The following MYOM2 variants were observed in gnomAD, a reference collection of about 807,000 sequenced individuals.
MYOM2 encodes myomesin 2.
MYOM2 carries 254 observed loss-of-function variants against 187.6 expected under a neutral mutation model. The observed-to-expected ratio is 1.35, with a 90% CI of 1.22 to 1.50. The LOEUF is 1.50. Ranked by LOEUF, MYOM2 falls within the 40% of genes most tolerant of loss-of-function variation. The pLI is 0.00. For synonymous variants in MYOM2, 981 were observed against 753.8 expected (o/e 1.30, Z -4.94); for missense variants, 2,796 against 1,924.0 (o/e 1.45, Z -8.48).
At chr8:2,138,841 C>T (rs979390532) in intron 32 of MYOM2, among the ~76,000 whole-genome samples, 4 of 152,170 alleles carry the variant, frequency 2.6e-5, no homozygotes, top group Non-Finnish European at 5.9e-5. Context: ...GAAGCCAATC[C>T]CACAAAACCA....
intron 2 of MYOM2, among the ~76,000 whole-genome samples, chr8:2,051,847 T>C (rs1353863734): frequency 2.6e-5 from 4 of 152,118 alleles, no homozygotes; most frequent in African/African-American, 4.8e-5. Flanking sequence ...TGTGTAGGTT[T>C]GTTTATGTGT....
At chr8:2,113,127 C>G (rs867857421) in intron 25 of MYOM2, among the ~76,000 whole-genome samples, 2 of 152,182 alleles carry the variant, frequency 1.3e-5, no homozygotes, top group East Asian at 1.9e-4. Flanking sequence ...ACGCTGGGCA[C>G]GAGGAAGCCG....
At chr8:2,123,831 G>A (rs1797541993) in intron 30 of MYOM2, among the ~76,000 whole-genome samples, 189 bp downstream of exon 30, 2 of 152,326 alleles carry the variant, frequency 1.3e-5, no homozygotes, top group South Asian at 2.1e-4. Context: ...TTAGAATAAT[G>A]TATGATATTA....
chr8:2,072,485 C>A lies in MYOM2; in HGVS notation c.934C>A (p.Pro312Thr). The A allele has an allele frequency of 6.2e-7, 1 of 1,613,732 alleles. No homozygotes were observed. The highest frequency in any genetic ancestry group is 8.5e-7 in the Non-Finnish European group (1 of 1,180,032). The change falls in exon 9 of 37, where the codon CCG (proline) becomes ACG (threonine). Residue 312 changes from proline (P) to threonine (T), a missense_variant. Physicochemically the swap from Pro to Thr is conservative, Grantham distance 38 (BLOSUM62 -1). Coordinates refer to ENST00000262113, the MANE Select transcript of MYOM2 (RefSeq NM_003970.4). ...GACGCCGGACCTGAAGCGGGTGCAG[C>A]CGCGCGCCGAGTGGTACCGCGATGG... is the stretch of plus-strand genomic sequence containing the variant. Reference protein sequence around the residue: ...LVTPDLKRVQPRAEWYRDDVL... With the variant: ...LVTPDLKRVQTRAEWYRDDVL...
At position 2,097,846 on chromosome 8, in the gene MYOM2, T is replaced by C. The variant is rs151225685; in HGVS notation, c.2314-1011T>C. ...ATCTATTTAAAAAATGTTTTTCAAA[T>C]ATGTCTACAACACATTATTATGGGC... On this transcript the variant is annotated intron_variant, in intron 18 of 36. Transcript: ENST00000262113. Among the ~76,000 whole-genome samples the C allele has an allele frequency of 1.8e-3, 271 of 152,358 alleles. 1 individual carries two copies. Among genetic ancestry groups the C allele is most frequent in the African/African-American group, 5.7e-3 (238 of 41,584 alleles).
At position 2,049,362 on chromosome 8, in the gene MYOM2, A is replaced by G. The variant is rs966647659; in HGVS notation, c.-12-1393A>G. Among the ~76,000 whole-genome samples, 10 of 152,148 alleles carry G rather than the reference A, an allele frequency of 6.6e-5. No individual in the cohort carries two copies. In the East Asian group the frequency reaches 7.7e-4, roughly 12 times the overall value. The stretch of plus-strand genomic sequence containing the variant: ...TGTCCTGTTTTCTTCCCTGTAGAAT[A>G]GGAGTTTGGGTAATCGCTAGTGATC... On this transcript the variant is annotated intron_variant, in intron 1 of 36. Transcript: ENST00000262113.
chr8:2,051,862 G>A (rs1342372775), intron 2 of MYOM2, among the ~76,000 whole-genome samples: 2 of 152,156 alleles, frequency 1.3e-5, no homozygotes, highest in East Asian at 3.9e-4. Context: ...ATGTGTGCAC[G>A]CGCTGTGTGT....
At position 2,059,152 on chromosome 8, in the gene MYOM2, G is replaced by C; in HGVS notation, c.561-1G>C. ...ACTAAAAACATGCCTCCCTCATTTA[G>C]GTACAAAGATGGCAGTCTGATTTGC... On this transcript the variant is annotated splice_acceptor_variant, in intron 5 of 36. Coordinates refer to ENST00000262113, the MANE Select transcript of MYOM2 (RefSeq NM_003970.4). LOFTEE classifies it high-confidence loss of function. The C allele has an allele frequency of 6.2e-7, 1 of 1,613,870 alleles. No individual in the cohort carries two copies. The highest frequency in any genetic ancestry group is 1.1e-5 in the South Asian group (1 of 91,062).
At chr8:2,045,355 C>T (rs191025383) in intron 1 of MYOM2, among the ~76,000 whole-genome samples, 187 bp downstream of exon 1, 4 of 152,314 alleles carry the variant, frequency 2.6e-5, no homozygotes, top group East Asian at 3.9e-4. Context: ...ATTTCTTTGA[C>T]GAGGTTTTAT....
chr8:2,052,190 C>A lies in MYOM2; in HGVS notation c.140C>A (p.Ser47Tyr), dbSNP rs777054185. ...TCCACCCAGGCATCTTCCCAGAAGT[C>A]CTTGAGTCAGCGGTCGTCTTCACAG... ...RASTQASSQK[S>Y]LSQRSSSQRA... The change falls in exon 3 of 37, where the codon TCC becomes TAC. Residue 47 changes from serine to tyrosine, a missense_variant. By Grantham distance (144) the Ser-to-Tyr change is moderately radical (BLOSUM62 -2). Transcript: ENST00000262113. The A allele has an allele frequency of 2.4e-5, 38 of 1,613,488 alleles. No individual in the cohort carries two copies. The Admixed American group carries it at 5.3e-4, about 23-fold the overall frequency.
At chr8:2,050,221 C>A (rs932082769) in intron 1 of MYOM2, among the ~76,000 whole-genome samples, 1 of 152,128 alleles carries the variant, frequency 6.6e-6, no homozygotes, top group African/African-American at 2.4e-5. Flanking sequence ...TATGGGCTGC[C>A]CTCCTTTCCC....
intron 32 of MYOM2, among the ~76,000 whole-genome samples, chr8:2,130,289 G>A (rs533163707): frequency 2.8e-5 from 4 of 144,630 alleles, no homozygotes; most frequent in Non-Finnish European, 5.9e-5. Flanking sequence ...TACCCAGGGC[G>A]CCCACACCCC....
At position 2,057,620 on chromosome 8, in the gene MYOM2, C is replaced by T. The variant is rs770376357; in HGVS notation, c.403-3C>T. On this transcript the variant is annotated splice_polypyrimidine_tract_variant and splice_region_variant and intron_variant, in intron 4 of 36. Coordinates refer to ENST00000262113, the MANE Select transcript of MYOM2 (RefSeq NM_003970.4). The stretch of plus-strand genomic sequence containing the variant: ...ACCTGACCATCCTTGCTTCTCGGGG[C>T]AGATGGAGGACAAGCTGGCCTGGGA... 1 of 1,613,980 alleles carries T rather than the reference C, an allele frequency of 6.2e-7. No individual in the cohort carries two copies. The highest frequency in any genetic ancestry group is 1.7e-5 in the Admixed American group (1 of 59,996).
chr8:2,112,709 G>T (rs1449363698), intron 25 of MYOM2, among the ~76,000 whole-genome samples: 1 of 152,200 alleles, frequency 6.6e-6, no homozygotes, highest in African/African-American at 2.4e-5. Flanking sequence ...GGTGGCACTG[G>T]CATTTGCAAT....
intron 32 of MYOM2, among the ~76,000 whole-genome samples, chr8:2,139,121 C>T (rs927313554): frequency 1.3e-5 from 2 of 151,322 alleles, no homozygotes; most frequent in African/African-American, 2.4e-5. Context: ...GAGACCGGGA[C>T]GCAGAGCCAA....
intron 3 of MYOM2, among the ~76,000 whole-genome samples, chr8:2,056,068 T>A (rs1371285502): frequency 6.6e-6 from 1 of 152,220 alleles, no homozygotes; most frequent in Non-Finnish European, 1.5e-5. Flanking sequence ...ACATCTTCTA[T>A]GTGCTGAAGC....
intron 21 of MYOM2, 143 bp downstream of exon 21, chr8:2,102,924 A>T: frequency 1.6e-6 from 1 of 640,818 alleles, no homozygotes; most frequent in Non-Finnish European, 2.8e-6. Flanking sequence ...ATGGGTCTGT[A>T]GATAAATGAA....
At chr8:2,073,243 C>A in intron 9 of MYOM2, 96 bp from the exon 10 acceptor site, 1 of 1,375,944 alleles carries the variant, frequency 7.3e-7, no homozygotes, top group Non-Finnish European at 1.0e-6. Flanking sequence ...GCTCGACTGT[C>A]CTGTCCCGCT....
At chr8:2,102,347 G>T (rs930220155) in intron 20 of MYOM2, 2 of 247,048 alleles carry the variant, frequency 8.1e-6, no homozygotes, top group Non-Finnish European at 1.6e-5. Context: ...ATAGTATTTG[G>T]TTCCACAGAA....
Sources: allele counts gnomAD v4.1 joint callset (sites outside exome capture counted in the v4.1 genomes callset), GRCh38; gene constraint gnomAD v4.1.1; transcripts MANE v1.5; gene names NCBI Gene and HGNC (gene_info 2026-07-23, HGNC 2026-07-21).